The following PPP1R3A variants were observed in gnomAD, a reference collection of about 807,000 sequenced individuals.
PPP1R3A encodes protein phosphatase 1 regulatory subunit 3A.
Under a neutral mutation model 41.7 loss-of-function variants are expected in PPP1R3A, and 29 were observed. The observed-to-expected ratio is 0.70, with a 90% CI of 0.52 to 0.95. PPP1R3A has a LOEUF of 0.95. PPP1R3A is among the 40% of genes least tolerant of loss of function. The pLI, the probability that PPP1R3A is intolerant of heterozygous loss-of-function variation, is 0.00. For missense variants in PPP1R3A, 1,352 were observed against 1,292.4 expected (o/e 1.05, Z -0.71); for synonymous variants, 485 against 453.4 (o/e 1.07, Z -0.89).
Position 113,878,840 on chromosome 7 carries a change from A to G in PPP1R3A, c.2252T>C (p.Ile751Thr), listed in dbSNP as rs763373563. 56 of 1,613,164 alleles carry G rather than the reference A, an allele frequency of 3.5e-5. No homozygotes were observed. The highest frequency in any genetic ancestry group is 4.3e-5 in the Non-Finnish European group (51 of 1,179,758). The change falls in exon 4 of 4, where the codon ATA becomes ACA. Residue 751 changes from isoleucine to threonine, a missense_variant. Ile to Thr is a moderately conservative substitution (Grantham distance 89). Transcript: ENST00000284601. ...TGTCTCTTGAGGTAGCTTAGCAATT[A>G]TTGCTTTTTCTCTAGCAGACATGCT... The part of the protein sequence containing the change: ...PESMSAREKA[I>T]IAKLPQETAR...
chr7:113,879,511 A>AT lies in PPP1R3A; in HGVS notation c.1580dup (p.Asn527LysfsTer2). 1 of 1,613,058 alleles carries AT rather than the reference A, an allele frequency of 6.2e-7. No individual in the cohort carries two copies. The highest frequency in any genetic ancestry group is 1.1e-5 in the South Asian group (1 of 91,068). ...TTTGGAAATTTTTTCTTTGTTTTTC[A>AT]TTAACACCTAAATATATTCTTTGTT... On this transcript the variant is annotated frameshift_variant, in exon 4 of 4. Transcript: ENST00000284601. LOFTEE classifies it low-confidence loss of function (END_TRUNC).
chr7:113,878,497 C>A lies in PPP1R3A; in HGVS notation c.2595G>T (p.Gln865His). The A allele has an allele frequency of 6.2e-7, 1 of 1,613,390 alleles. No homozygotes were observed. The highest frequency in any genetic ancestry group is 8.5e-7 in the Non-Finnish European group (1 of 1,179,690). The change falls in exon 4 of 4, where the codon CAG (glutamine) becomes CAT (histidine). Residue 865 changes from glutamine (Q) to histidine (H), a missense_variant. Transcript: ENST00000284601. ...YQKATSKLDLQLGMLPTDKTV... is the reference protein window; with the variant it reads ...YQKATSKLDLHLGMLPTDKTV... ...TTTTGTCTGTTGGTAACATTCCCAA[C>A]TGTAAATCCAGTTTTGAAGTTGCTT... is the stretch of plus-strand genomic sequence containing the variant.
In PPP1R3A at chr7:113,877,875, T is replaced by C; in HGVS notation, c.3217A>G (p.Asn1073Asp). The change falls in exon 4 of 4, where the codon AAC (asparagine) becomes GAC (aspartate). Residue 1073 changes from asparagine to aspartate, a missense_variant. Physicochemically the swap from Asn to Asp is conservative, Grantham distance 23 (BLOSUM62 1). Transcript: ENST00000284601. ...AAAAGGAAATAAGGTATTTTAGAGT[T>C]GGTATATTTTGAAAACAAAGATTCG... The part of the protein sequence containing the change: ...GNESLFSKYT[N>D]SKIPYFLLFL... 6 of 1,611,080 alleles carry C rather than the reference T, an allele frequency of 3.7e-6. No individual in the cohort carries two copies. In the Admixed American group the frequency reaches 6.7e-5, roughly 18 times the overall value.
rs533421010 is a variant in PPP1R3A at position 113,881,718 on chromosome 7, C to T, written c.966+321G>A. Among the ~76,000 whole-genome samples, 27 of 152,062 alleles carry T rather than the reference C, an allele frequency of 1.8e-4. No homozygotes were observed. The South Asian group carries it at 3.3e-3, about 19-fold the overall frequency. On this transcript the variant is annotated intron_variant, in intron 3 of 3. Coordinates refer to ENST00000284601, the MANE Select transcript of PPP1R3A (RefSeq NM_002711.4). ...CTCTCATTTTATAGACGAGTTTATGCTAAGTATACACTTGTCACAAAGATT... is the reference window on the plus strand; with the variant it reads ...CTCTCATTTTATAGACGAGTTTATGTTAAGTATACACTTGTCACAAAGATT...
intron 1 of PPP1R3A, among the ~76,000 whole-genome samples, chr7:113,906,305 G>T (rs1023470684): frequency 2.6e-5 from 4 of 151,692 alleles, no homozygotes; most frequent in African/African-American, 9.7e-5. Flanking sequence ...TATAGTCTTT[G>T]TATATCCTAT....
In PPP1R3A at chr7:113,877,835, A is replaced by G; in HGVS notation, c.3257T>C (p.Leu1086Pro). The G allele has an allele frequency of 6.2e-7, 1 of 1,609,292 alleles. No homozygotes were observed. The highest frequency in any genetic ancestry group is 1.1e-5 in the South Asian group (1 of 90,972). Residue 1086 changes from leucine (L) to proline (P), a missense_variant, in exon 4 of 4, where the codon CTT becomes CCT. Coordinates refer to ENST00000284601, the MANE Select transcript of PPP1R3A (RefSeq NM_002711.4). The part of the protein sequence containing the change: ...IPYFLLFLIF[L>P]ITVYHYDLMI... ...TAAGTCATAATGGTAGACAGTTATA[A>G]GAAATATCAGAAACAAAAGGAAATA...
At chr7:113,903,534 A>C (rs1797099167) in intron 1 of PPP1R3A, among the ~76,000 whole-genome samples, 1 of 151,738 alleles carries the variant, frequency 6.6e-6, no homozygotes. Context: ...TTCCTTAAGC[A>C]GAAGGCAATG....
At position 113,879,001 on chromosome 7, in the gene PPP1R3A, A is replaced by G; in HGVS notation, c.2091T>C (p.Ala697=). 6.2e-7 allele frequency: 1 copy of G among 1,613,530 alleles called. No homozygotes were observed. The highest frequency in any genetic ancestry group is 8.5e-7 in the Non-Finnish European group (1 of 1,179,796). The part of the protein sequence containing the change: ...GKRDNTRSLK[A]TTEELFTCQE... Reference sequence around the variant, plus strand: ...GGCAGGTAAACAATTCTTCTGTAGTAGCTTTCAAACTCCTCGTATTATCTC... The same window carrying G: ...GGCAGGTAAACAATTCTTCTGTAGTGGCTTTCAAACTCCTCGTATTATCTC... Residue 697 remains alanine, a synonymous_variant, in exon 4 of 4, where the codon GCT becomes GCC. Coordinates refer to ENST00000284601, the MANE Select transcript of PPP1R3A (RefSeq NM_002711.4).
intron 1 of PPP1R3A, among the ~76,000 whole-genome samples, chr7:113,915,604 CAT>C (rs892277761): frequency 1.4e-5 from 2 of 147,892 alleles, no homozygotes; most frequent in African/African-American, 4.9e-5. Flanking sequence ...TATACATATA[CAT>C]ATATATACAC....
intron 1 of PPP1R3A, among the ~76,000 whole-genome samples, chr7:113,908,367 A>T (rs1797181655): frequency 6.6e-6 from 1 of 151,910 alleles, no homozygotes; most frequent in South Asian, 2.1e-4. Flanking sequence ...TTTTCCACAG[A>T]AAAAAGCGGT....
At position 113,915,608 on chromosome 7, in the gene PPP1R3A, T is replaced by C. The variant is rs182307316; in HGVS notation, c.782+2607A>G. On this transcript the variant is annotated intron_variant, in intron 1 of 3. Coordinates refer to ENST00000284601, the MANE Select transcript of PPP1R3A (RefSeq NM_002711.4). ...ATACATACATATATACATATACATA[T>C]ATATACACATACATATATATACATA... 5.4e-5 allele frequency among the ~76,000 whole-genome samples: 8 copies of C among 148,892 alleles called. No homozygotes were observed. The East Asian group carries it at 1.2e-3, about 22-fold the overall frequency.
chr7:113,918,420 C>T lies in PPP1R3A; in HGVS notation c.577G>A (p.Val193Ile). ...GETDQFSFKI[V>I]LVPPYQKDGS... is the part of the protein sequence containing the mutation. ...TCTTTTTGATAAGGAGGAACCAATACAATCTTAAAGGAGAACTGGTCAGTT... is the reference window on the plus strand; with the variant it reads ...TCTTTTTGATAAGGAGGAACCAATATAATCTTAAAGGAGAACTGGTCAGTT... The change falls in exon 1 of 4, where the codon GTA (valine) becomes ATA (isoleucine). Residue 193 changes from valine (V) to isoleucine (I), a missense_variant. Transcript: ENST00000284601. The T allele has an allele frequency of 6.2e-7, 1 of 1,613,312 alleles. No individual in the cohort carries two copies. Among genetic ancestry groups the T allele is most frequent in the Non-Finnish European group, 8.5e-7 (1 of 1,179,630 alleles).
intron 1 of PPP1R3A, among the ~76,000 whole-genome samples, chr7:113,914,920 T>A (rs1048465877): frequency 1.3e-5 from 2 of 152,154 alleles, no homozygotes; most frequent in Non-Finnish European, 2.9e-5. Flanking sequence ...CATGCCATTT[T>A]AGCTTATTTG....
At chr7:113,892,448 A>G (rs1042133962) in intron 1 of PPP1R3A, among the ~76,000 whole-genome samples, 2 of 152,070 alleles carry the variant, frequency 1.3e-5, no homozygotes, top group Non-Finnish European at 2.9e-5. Context: ...ATAGCCACTC[A>G]TATATTGAAG....
In PPP1R3A at chr7:113,878,311, A is replaced by G; in HGVS notation, c.2781T>C (p.Thr927=). The change falls in exon 4 of 4, where the codon ACT becomes ACC. Residue 927 remains threonine (T), a synonymous_variant. Transcript: ENST00000284601. ...SKHHTEISVS[T]NEQAIAVENA... is the part of the protein sequence containing the mutation. The stretch of plus-strand genomic sequence containing the variant: ...TCTCTACAGCAATTGCCTGCTCATT[A>G]GTTGACACTGAAATTTCAGTATGAT... The G allele has an allele frequency of 2.5e-6, 4 of 1,613,210 alleles. No individual in the cohort carries two copies. Among genetic ancestry groups the G allele is most frequent in the Non-Finnish European group, 3.4e-6 (4 of 1,179,628 alleles).
chr7:113,877,874 T>C lies in PPP1R3A; in HGVS notation c.3218A>G (p.Asn1073Ser). Residue 1073 changes from asparagine (N) to serine (S), a missense_variant, in exon 4 of 4, where the codon AAC (asparagine) becomes AGC (serine). Coordinates refer to ENST00000284601, the MANE Select transcript of PPP1R3A (RefSeq NM_002711.4). ...CAAAAGGAAATAAGGTATTTTAGAG[T>C]TGGTATATTTTGAAAACAAAGATTC... ...GNESLFSKYT[N>S]SKIPYFLLFL... 9.9e-6 allele frequency: 16 copies of C among 1,610,890 alleles called. No homozygotes were observed. Among genetic ancestry groups the C allele is most frequent in the Non-Finnish European group, 1.4e-5 (16 of 1,177,584 alleles).
chr7:113,897,203 A>G (rs578136900), intron 1 of PPP1R3A, among the ~76,000 whole-genome samples: 1 of 151,940 alleles, frequency 6.6e-6, no homozygotes, highest in Admixed American at 6.6e-5. Flanking sequence ...ATATATCCTA[A>G]GCACTGCAGT....
At chr7:113,883,686 T>C (rs1796734401) in intron 1 of PPP1R3A, among the ~76,000 whole-genome samples, 1 of 151,966 alleles carries the variant, frequency 6.6e-6, no homozygotes, top group South Asian at 2.1e-4. Context: ...CCCTTCTCCA[T>C]GTACATGTTT....
At chr7:113,881,976 GC>G in intron 3 of PPP1R3A, 62 bp downstream of exon 3, 1 of 1,586,688 alleles carries the variant, frequency 6.3e-7, no homozygotes, top group Non-Finnish European at 8.6e-7. Context: ...GGCAGGCATT[GC>G]AGCATCTTTG....
Sources: allele counts gnomAD v4.1 joint callset (sites outside exome capture counted in the v4.1 genomes callset), GRCh38; gene constraint gnomAD v4.1.1; transcripts MANE v1.5; gene names NCBI Gene and HGNC (gene_info 2026-07-23, HGNC 2026-07-21).